C12orf42: variants seen among roughly 807,000 people sequenced by gnomAD.
The protein encoded by C12orf42 is uncharacterized protein C12orf42.
C12orf42 carries 25 observed loss-of-function variants against 21.6 expected under a neutral mutation model. The ratio of observed to expected loss-of-function variants is 1.16; its 90% CI spans 0.84 to 1.62. The LOEUF (loss-of-function observed/expected upper bound fraction) is 1.62. Ranked by LOEUF, C12orf42 falls within the 40% of genes most tolerant of loss-of-function variation. The probability of loss-of-function intolerance (pLI) is 0.00; values close to 1 mark genes in which losing one functional copy is unlikely to be tolerated. For missense variants in C12orf42, 483 were observed against 459.3 expected (o/e 1.05, Z -0.47); for synonymous variants, 174 against 175.0 (o/e 0.99, Z 0.05).
chr12:103,159,978 T>A, the C12orf42 span, among the ~76,000 whole-genome samples: 2 of 152,212 alleles, frequency 1.3e-5, no homozygotes, highest in African/African-American at 4.8e-5. Context: ...TCCAGAAGTG[T>A]TTCTTTGGGA....
the C12orf42 span, among the ~76,000 whole-genome samples, chr12:103,524,961 T>TG: frequency 1.0e-5 from 1 of 96,646 alleles, no homozygotes; most frequent in Non-Finnish European, 2.1e-5. Context: ...TTTAGTTTTT[T>TG]TGGGGGGGGG....
intron 2 of C12orf42, among the ~76,000 whole-genome samples, chr12:103,448,774 AT>A (rs1422090490): frequency 2.0e-5 from 3 of 151,898 alleles, no homozygotes; most frequent in Non-Finnish European, 4.4e-5. Context: ...TAATGAAAAA[AT>A]TAAAAAAAAA....
At chr12:103,423,484 T>C (rs188263940) in intron 2 of C12orf42, among the ~76,000 whole-genome samples, 6 of 152,320 alleles carry the variant, frequency 3.9e-5, no homozygotes, top group Admixed American at 3.3e-4. Flanking sequence ...TAAGTGGGTT[T>C]TCTCTCCCCA....
chr12:103,228,047 G>A, the C12orf42 span, among the ~76,000 whole-genome samples: 5 of 152,146 alleles, frequency 3.3e-5, no homozygotes, highest in African/African-American at 7.2e-5. Context: ...CGAAGAACAC[G>A]AGTACAGGGG....
At chr12:103,132,136 C>G in the C12orf42 span, among the ~76,000 whole-genome samples, 2 of 152,140 alleles carry the variant, frequency 1.3e-5, no homozygotes, top group Non-Finnish European at 2.9e-5. Context: ...AGACACATGA[C>G]TTCAAGATGG....
At chr12:103,340,078 G>T (rs1412301001) in intron 4 of C12orf42, among the ~76,000 whole-genome samples, 1 of 152,168 alleles carries the variant, frequency 6.6e-6, no homozygotes, top group East Asian at 1.9e-4. Flanking sequence ...GTGACACAGG[G>T]AGGGAACCAT....
At chr12:103,326,258 AAAG>A (rs376844553) in intron 4 of C12orf42, among the ~76,000 whole-genome samples, 5 of 152,322 alleles carry the variant, frequency 3.3e-5, no homozygotes, top group East Asian at 1.9e-4. Context: ...GAAAGAATTG[AAAG>A]AAGCTCAGCA....
chr12:103,333,470 A>G (rs1489486931), intron 4 of C12orf42, among the ~76,000 whole-genome samples: 2 of 152,248 alleles, frequency 1.3e-5, no homozygotes, highest in Non-Finnish European at 2.9e-5. Flanking sequence ...CTCTTTAGAA[A>G]AACACAGCTT....
chr12:103,207,343 G>A, the C12orf42 span, among the ~76,000 whole-genome samples: 1 of 152,234 alleles, frequency 6.6e-6, no homozygotes. Context: ...TGATACCCAA[G>A]CACCACACAG....
the C12orf42 span, among the ~76,000 whole-genome samples, chr12:103,058,181 T>G: frequency 6.6e-6 from 1 of 152,196 alleles, no homozygotes; most frequent in South Asian, 2.1e-4. Context: ...GGTCTTGATC[T>G]CTTGACCTCG....
chr12:103,143,269 T>C, the C12orf42 span, among the ~76,000 whole-genome samples: 2 of 152,242 alleles, frequency 1.3e-5, no homozygotes, highest in South Asian at 2.1e-4. Flanking sequence ...GGGAGTTCAA[T>C]GCTCACTAAA....
At chr12:103,348,645 G>C (rs908384214) in intron 4 of C12orf42, among the ~76,000 whole-genome samples, 4 of 152,168 alleles carry the variant, frequency 2.6e-5, no homozygotes, top group African/African-American at 9.7e-5. Context: ...CCTGGAACCA[G>C]TCATTTCGGG....
At chr12:103,159,935 T>A in the C12orf42 span, among the ~76,000 whole-genome samples, 1 of 152,234 alleles carries the variant, frequency 6.6e-6, no homozygotes, top group Non-Finnish European at 1.5e-5. Context: ...ACTCTGAGAC[T>A]GCCTATTCCA....
At chr12:103,388,354 C>T (rs1024914796) in intron 3 of C12orf42, among the ~76,000 whole-genome samples, 1 of 152,146 alleles carries the variant, frequency 6.6e-6, no homozygotes, top group African/African-American at 2.4e-5. Flanking sequence ...CTGGGCCTGG[C>T]TCCTATAGCA....
chr12:103,453,324 C>T (rs1381457661), intron 2 of C12orf42, among the ~76,000 whole-genome samples: 3 of 151,648 alleles, frequency 2.0e-5, no homozygotes, highest in African/African-American at 7.3e-5. Context: ...TTTCATTCTA[C>T]CAGTTTTCAA....
chr12:103,157,256 T>A, the C12orf42 span, among the ~76,000 whole-genome samples: 1 of 152,180 alleles, frequency 6.6e-6, no homozygotes, highest in Non-Finnish European at 1.5e-5. Context: ...TGTTTGCTGG[T>A]CACATAAATG....
chr12:103,095,564 C>T, the C12orf42 span, among the ~76,000 whole-genome samples: 9 of 152,302 alleles, frequency 5.9e-5, no homozygotes, highest in South Asian at 8.3e-4. Flanking sequence ...TTTAAAATTG[C>T]ATTGACCTTA....
At chr12:103,443,540 C>T (rs1415681633) in intron 2 of C12orf42, among the ~76,000 whole-genome samples, 1 of 152,058 alleles carries the variant, frequency 6.6e-6, no homozygotes, top group Non-Finnish European at 1.5e-5. Context: ...TAACCCTCAG[C>T]AATTCTGATT....
At chr12:103,211,559 C>G in the C12orf42 span, among the ~76,000 whole-genome samples, 50,271 of 151,994 alleles carry the variant, frequency 0.33, 9,273 homozygotes, top group South Asian at 0.42. Context: ...ATGAAGGCAT[C>G]CAGCCAACAT....
Sources: gnomAD v4.1 joint callset for allele counts (sites outside exome capture counted in the v4.1 genomes callset) on GRCh38, gnomAD v4.1.1 for gene constraint, MANE v1.5 for transcripts, NCBI Gene and HGNC (gene_info 2026-07-23, HGNC 2026-07-21) for gene names.